The following ARHGAP24 variants were observed in gnomAD, a reference collection of about 807,000 sequenced individuals.
The protein encoded by ARHGAP24 is rho GTPase-activating protein 24.
ARHGAP24 carries 50 observed loss-of-function variants against 76.4 expected under a neutral mutation model. The ratio of observed to expected loss-of-function variants is 0.65; its 90% CI spans 0.52 to 0.83. ARHGAP24 has a LOEUF of 0.83. Ranked by LOEUF, ARHGAP24 falls within the 40% of genes least tolerant of loss-of-function variation. The pLI, the probability that ARHGAP24 is intolerant of heterozygous loss-of-function variation, is 0.00. For synonymous variants in ARHGAP24, 345 were observed against 323.3 expected (o/e 1.07, Z -0.72); for missense variants, 930 against 914.2 (o/e 1.02, Z -0.22).
At chr4:85,931,022 G>A (rs918026294) in intron 4 of ARHGAP24, 2 of 1,613,080 alleles carry the variant, frequency 1.2e-6, no homozygotes, top group Non-Finnish European at 8.5e-7. Flanking sequence ...AGAATCAAAC[G>A]GTGTTTTAGT....
intron 2 of ARHGAP24, among the ~76,000 whole-genome samples, chr4:85,604,951 G>T (rs373734632): frequency 1.3e-5 from 2 of 152,098 alleles, no homozygotes; most frequent in South Asian, 2.1e-4. Context: ...TGATCTGCCC[G>T]CATTGGCCTC....
chr4:85,823,914 T>G (rs972961519), intron 3 of ARHGAP24, among the ~76,000 whole-genome samples: 3 of 142,526 alleles, frequency 2.1e-5, no homozygotes, highest in African/African-American at 7.6e-5. Flanking sequence ...CTGAAACCAC[T>G]TAAATGTATT....
intron 3 of ARHGAP24, among the ~76,000 whole-genome samples, chr4:85,732,208 G>A (rs1482091): frequency 0.14 from 20,780 of 152,176 alleles, 1,881 homozygotes; most frequent in East Asian, 0.36. Flanking sequence ...CTATGGTAGG[G>A]CTTCTTTGAG....
At chr4:85,993,739 G>A (rs751818437) in intron 8 of ARHGAP24, among the ~76,000 whole-genome samples, 1 of 152,116 alleles carries the variant, frequency 6.6e-6, no homozygotes, top group Non-Finnish European at 1.5e-5. Context: ...CCAGATAGCT[G>A]GTTTTCTTTG....
At chr4:85,531,891 A>T (rs1247920915) in intron 1 of ARHGAP24, among the ~76,000 whole-genome samples, 3 of 152,030 alleles carry the variant, frequency 2.0e-5, no homozygotes, top group Non-Finnish European at 4.4e-5. Context: ...ATCAATTCCC[A>T]TGGGTCTGTG....
At chr4:85,710,261 A>G (rs1353291370) in intron 2 of ARHGAP24, among the ~76,000 whole-genome samples, 1 of 152,164 alleles carries the variant, frequency 6.6e-6, no homozygotes, top group African/African-American at 2.4e-5. Flanking sequence ...TGGGGAAAGG[A>G]CTCATTCAAT....
At chr4:85,495,614 A>C (rs1723548009) in intron 1 of ARHGAP24, among the ~76,000 whole-genome samples, 1 of 151,984 alleles carries the variant, frequency 6.6e-6, no homozygotes, top group Non-Finnish European at 1.5e-5. Context: ...GGCCGCCCAA[A>C]GTGCTGGGAT....
At chr4:85,758,982 G>A (rs1560619136) in intron 3 of ARHGAP24, among the ~76,000 whole-genome samples, 1 of 152,124 alleles carries the variant, frequency 6.6e-6, no homozygotes, top group East Asian at 1.9e-4. Flanking sequence ...TTCTTTGAAT[G>A]TATCTCACAG....
intron 3 of ARHGAP24, among the ~76,000 whole-genome samples, chr4:85,725,318 A>T (rs530512770): frequency 6.6e-6 from 1 of 152,184 alleles, no homozygotes; most frequent in Non-Finnish European, 1.5e-5. Context: ...CTTGAAGTGC[A>T]TATATTTACC....
intron 3 of ARHGAP24, among the ~76,000 whole-genome samples, chr4:85,916,127 T>C (rs1165782602): frequency 6.6e-6 from 1 of 152,190 alleles, no homozygotes; most frequent in Non-Finnish European, 1.5e-5. Flanking sequence ...TGGTGTGAGA[T>C]GGTATCTATT....
intron 3 of ARHGAP24, among the ~76,000 whole-genome samples, chr4:85,881,492 C>T (rs1290279963): frequency 6.6e-6 from 1 of 151,722 alleles, no homozygotes; most frequent in Non-Finnish European, 1.5e-5. Flanking sequence ...ATGATTTAAT[C>T]TAATCTGGAG....
At chr4:85,964,509 C>G (rs1370886803) in intron 5 of ARHGAP24, among the ~76,000 whole-genome samples, 1 of 151,926 alleles carries the variant, frequency 6.6e-6, no homozygotes, top group African/African-American at 2.4e-5. Context: ...AGGAAAACAA[C>G]ACCACTTAGA....
rs535739274 is a variant in ARHGAP24 at position 85,610,393 on chromosome 4, G to A, written c.180+39672G>A. Among the ~76,000 whole-genome samples the A allele has an allele frequency of 9.5e-5, 12 of 126,268 alleles. No individual in the cohort carries two copies. The South Asian group carries it at 1.4e-3, about 15-fold the overall frequency. The allele number at this position is 126,268 out of a possible 152,430, so 82.8% of individuals were successfully genotyped here. A position where few individuals can be genotyped will look rare whatever the true frequency, so the allele number is the denominator to read the frequency against. On this transcript the variant is annotated intron_variant, in intron 2 of 9. Transcript: ENST00000395184. ...TGGGAGGTGGAGCTTTCAGTGAGCC[G>A]AGATCCTGCCACTGCACTCCAGCCT...
chr4:85,814,155 T>G (rs1729135442), intron 3 of ARHGAP24, among the ~76,000 whole-genome samples: 1 of 152,040 alleles, frequency 6.6e-6, no homozygotes, highest in Non-Finnish European at 1.5e-5. Flanking sequence ...TCCCACAACA[T>G]GTGGGAATTA....
chr4:85,982,298 A>G (rs1368056938), intron 8 of ARHGAP24, among the ~76,000 whole-genome samples: 2 of 151,970 alleles, frequency 1.3e-5, no homozygotes, highest in African/African-American at 4.8e-5. Flanking sequence ...GAAACCTGAT[A>G]CCCAATGAGA....
intron 2 of ARHGAP24, among the ~76,000 whole-genome samples, chr4:85,635,276 T>A: frequency 9.7e-6 from 1 of 102,980 alleles, no homozygotes; most frequent in South Asian, 3.3e-4. Flanking sequence ...AGTTACCCAC[T>A]TTTTTTTTAA....
chr4:85,762,924 T>A (rs1038311605), intron 3 of ARHGAP24, among the ~76,000 whole-genome samples: 2 of 152,188 alleles, frequency 1.3e-5, no homozygotes, highest in Non-Finnish European at 2.9e-5. Flanking sequence ...AAACAAAGAA[T>A]CTATTATTTC....
At chr4:85,917,529 A>G (rs1735485324) in intron 3 of ARHGAP24, among the ~76,000 whole-genome samples, 1 of 152,116 alleles carries the variant, frequency 6.6e-6, no homozygotes, top group South Asian at 2.1e-4. Flanking sequence ...AGTCCCACCA[A>G]CAGTGTAAAA....
chr4:85,881,956 A>G (rs1181261951), intron 3 of ARHGAP24, among the ~76,000 whole-genome samples: 1 of 152,236 alleles, frequency 6.6e-6, no homozygotes, highest in Non-Finnish European at 1.5e-5. Context: ...ATATATGTTT[A>G]TTGAATTTTT....
Sources: gnomAD v4.1 joint callset for allele counts (sites outside exome capture counted in the v4.1 genomes callset) on GRCh38, gnomAD v4.1.1 for gene constraint, MANE v1.5 for transcripts, NCBI Gene and HGNC (gene_info 2026-07-23, HGNC 2026-07-21) for gene names.